Variants in ZFHX3 observed in about 807,000 individuals in gnomAD.
The protein encoded by ZFHX3 is zinc finger homeobox protein 3.
ZFHX3 carries 42 observed loss-of-function variants against 279.1 expected under a neutral mutation model. The observed-to-expected ratio is 0.15, with a 90% CI of 0.12 to 0.19. The LOEUF is 0.19. ZFHX3 is among the 10% of genes least tolerant of loss of function. The probability of loss-of-function intolerance (pLI) is 1.00; values close to 1 mark genes in which losing one functional copy is unlikely to be tolerated. For missense variants in ZFHX3, 4,981 were observed against 4,754.0 expected (o/e 1.05, Z -1.40); for synonymous variants, 2,293 against 1,957.8 (o/e 1.17, Z -4.52).
chr16:73,392,938 C>A (rs191735663), intron 3 of ZFHX3, among the ~76,000 whole-genome samples: 10 of 152,198 alleles, frequency 6.6e-5, no homozygotes, highest in African/African-American at 1.9e-4. Flanking sequence ...AGGTTCAAGT[C>A]ATTCTCCCGC....
chr16:73,079,254 GTGGC>G (rs1965919349), intron 8 of ZFHX3, among the ~76,000 whole-genome samples: 1 of 151,878 alleles, frequency 6.6e-6, no homozygotes, highest in Non-Finnish European at 1.5e-5. Flanking sequence ...GCCGGGCATA[GTGGC>G]TCACACGTGT....
In ZFHX3 at chr16:72,958,685, TTCC is replaced by T. The variant is rs747269615; in HGVS notation, c.1458_1460del (p.Glu487del). ...GAAAGAGTCCTTTGCAACCCTCGTC[TTCC>T]TCCTCCTCTTCTTCCTCCTCCTCTT... On this transcript the variant is annotated inframe_deletion, in exon 2 of 10. Transcript: ENST00000268489. 95 of 1,611,398 alleles carry T rather than the reference TTCC, an allele frequency of 5.9e-5. No individual in the cohort carries two copies. Among genetic ancestry groups the T allele is most frequent in the Admixed American group, 1.8e-4 (11 of 59,922 alleles).
rs781754622 is a variant in ZFHX3 at position 72,959,165 on chromosome 16, T to C, written c.981A>G (p.Gln327=). Residue 327 remains glutamine (Q), a synonymous_variant, in exon 2 of 10, where the codon CAA becomes CAG. Coordinates refer to ENST00000268489, the MANE Select transcript of ZFHX3 (RefSeq NM_006885.4). Reference sequence around the variant, plus strand: ...GGGGTTCCTTGTCTTTGCCGATCCCTTGGATGATAGCGGAGATGTTCTTAT... The same window carrying C: ...GGGGTTCCTTGTCTTTGCCGATCCCCTGGATGATAGCGGAGATGTTCTTAT... ...LSNKNISAII[Q]GIGKDKEPLV... 11 of 1,614,264 alleles carry C rather than the reference T, an allele frequency of 6.8e-6. No individual in the cohort carries two copies. Among genetic ancestry groups the C allele is most frequent in the Non-Finnish European group, 7.6e-6 (9 of 1,180,050 alleles).
At chr16:73,633,884 C>A (rs1386157557) in intron 2 of ZFHX3, among the ~76,000 whole-genome samples, 1 of 148,538 alleles carries the variant, frequency 6.7e-6, no homozygotes, top group Non-Finnish European at 1.5e-5. Flanking sequence ...GGCGACAGAG[C>A]AAGACTCCAT....
intron 1 of ZFHX3, among the ~76,000 whole-genome samples, chr16:73,785,952 C>A (rs919153460): frequency 1.3e-5 from 2 of 152,070 alleles, no homozygotes; most frequent in African/African-American, 4.8e-5. Context: ...CTCACCACAA[C>A]CTCCACCTCC....
chr16:73,541,816 T>TTTTTTC (rs1567514251), intron 2 of ZFHX3, among the ~76,000 whole-genome samples: 1 of 132,534 alleles, frequency 7.5e-6, no homozygotes, highest in African/African-American at 3.0e-5. Flanking sequence ...TTTTTTTTTT[T>TTTTTTC]CCCTGAGATG....
intron 5 of ZFHX3, among the ~76,000 whole-genome samples, chr16:73,251,709 A>G (rs1254916167): frequency 7.8e-6 from 1 of 128,170 alleles, no homozygotes; most frequent in Non-Finnish European, 1.8e-5. Flanking sequence ...ATGCACACAC[A>G]CATACACACC....
At chr16:73,245,280 T>G (rs1317825130) in intron 5 of ZFHX3, among the ~76,000 whole-genome samples, 2 of 152,186 alleles carry the variant, frequency 1.3e-5, no homozygotes, top group Non-Finnish European at 1.5e-5. Context: ...TTTTGTTTGT[T>G]TCTTTGTTTA....
chr16:73,869,993 C>T (rs1269665693), intron 1 of ZFHX3, among the ~76,000 whole-genome samples: 1 of 152,152 alleles, frequency 6.6e-6, no homozygotes, highest in Non-Finnish European at 1.5e-5. Context: ...AAGCTTCTAA[C>T]TGGGAATAAA....
At chr16:72,984,396 G>A (rs935869126) in intron 1 of ZFHX3, among the ~76,000 whole-genome samples, 2 of 152,182 alleles carry the variant, frequency 1.3e-5, no homozygotes, top group Non-Finnish European at 2.9e-5. Flanking sequence ...GGAGGCTGAG[G>A]TGGGAGGATC....
intron 5 of ZFHX3, among the ~76,000 whole-genome samples, chr16:73,190,899 G>A (rs1465376726): frequency 1.6e-5 from 2 of 125,366 alleles, no homozygotes; most frequent in African/African-American, 6.9e-5. Context: ...AGACCAGGGT[G>A]AAGAGGGACT....
At chr16:73,038,849 G>A (rs943571567) in intron 1 of ZFHX3, among the ~76,000 whole-genome samples, 1 of 151,798 alleles carries the variant, frequency 6.6e-6, no homozygotes, top group African/African-American at 2.4e-5. Flanking sequence ...CCAGGCTGGA[G>A]TGCAGTGGCA....
At chr16:73,097,116 C>T (rs1246283088) in intron 7 of ZFHX3, among the ~76,000 whole-genome samples, 1 of 151,988 alleles carries the variant, frequency 6.6e-6, no homozygotes, top group Admixed American at 6.6e-5. Flanking sequence ...TGCAGTGGCA[C>T]CATCACAACT....
chr16:72,897,073 C>T (rs2038918395), intron 3 of ZFHX3, among the ~76,000 whole-genome samples: 1 of 152,172 alleles, frequency 6.6e-6, no homozygotes, highest in South Asian at 2.1e-4. Flanking sequence ...GGAGAAACCC[C>T]ATGGTGGAAT....
intron 1 of ZFHX3, among the ~76,000 whole-genome samples, chr16:73,058,344 G>GCGGGCGCGGGGAGCGCGGGCGGCGGCGGC (rs1028662083): frequency 1.4e-4 from 21 of 148,474 alleles, no homozygotes; most frequent in Non-Finnish European, 1.1e-4. Flanking sequence ...CGAGCAGGGC[G>GCGGGCGCGGGGAGCGCGGGCGGCGGCGGC]CGGGCGCGGG....
intron 3 of ZFHX3, among the ~76,000 whole-genome samples, chr16:73,441,179 T>C (rs1311973475): frequency 6.6e-6 from 1 of 152,160 alleles, no homozygotes; most frequent in Non-Finnish European, 1.5e-5. Flanking sequence ...AGATAAGCAA[T>C]TTATTTTCTA....
At position 72,786,955 on chromosome 16, in the gene ZFHX3, T is replaced by TAAAAG. The variant is rs953254832; in HGVS notation, c.*204_*208dup. 8.2e-6 allele frequency: 3 copies of TAAAAG among 363,806 alleles called. No homozygotes were observed. Among genetic ancestry groups the TAAAAG allele is most frequent in the East Asian group, 5.7e-5 (1 of 17,614 alleles). The allele number at this position is 363,806 out of a possible 1,614,324, so 22.5% of individuals were successfully genotyped here. On this transcript the variant is annotated 3_prime_UTR_variant, in exon 10 of 10. Transcript: ENST00000268489. ...AGGGCTTTTTTTTTTTTTTTAATAT[T>TAAAAG]AAAAGAAAAGAAAAAGACAAGAATG...
chr16:73,745,841 G>C (rs1307232541), intron 1 of ZFHX3, among the ~76,000 whole-genome samples: 1 of 152,088 alleles, frequency 6.6e-6, no homozygotes, highest in Non-Finnish European at 1.5e-5. Flanking sequence ...TGGCCTAAGA[G>C]TGTGGCAGTT....
intron 5 of ZFHX3, among the ~76,000 whole-genome samples, chr16:73,205,115 C>A (rs560385749): frequency 1.3e-5 from 2 of 152,234 alleles, no homozygotes; most frequent in South Asian, 4.1e-4. Context: ...CTCCAAGTGA[C>A]CCTGATTGAT....
Sources: gnomAD v4.1 joint callset for allele counts (sites outside exome capture counted in the v4.1 genomes callset) on GRCh38, gnomAD v4.1.1 for gene constraint, MANE v1.5 for transcripts, NCBI Gene and HGNC (gene_info 2026-07-23, HGNC 2026-07-21) for gene names.